NSG2: variants seen among roughly 807,000 people sequenced by gnomAD.
NSG2 encodes neuronal vesicle trafficking-associated protein 2.
In NSG2, 4 loss-of-function variants were observed where a neutral mutation model predicts 16.9. That is an observed-to-expected ratio of 0.24 (90% CI 0.12 to 0.54). NSG2 has a LOEUF of 0.54. NSG2 is among the 20% of genes least tolerant of loss of function. The probability of loss-of-function intolerance (pLI) is 0.95; values close to 1 mark genes in which losing one functional copy is unlikely to be tolerated. For synonymous variants in NSG2, 98 were observed against 88.7 expected (o/e 1.11, Z -0.59); for missense variants, 179 against 221.1 (o/e 0.81, Z 1.21).
chr5:174,079,643 T>G (rs936077425), intron 3 of NSG2, among the ~76,000 whole-genome samples: 2 of 152,222 alleles, frequency 1.3e-5, no homozygotes, highest in East Asian at 1.9e-4. Context: ...GGAAAAATTC[T>G]TATCTGGCTG....
chr5:174,083,180 C>T (rs1412778964), intron 3 of NSG2, among the ~76,000 whole-genome samples: 2 of 152,234 alleles, frequency 1.3e-5, no homozygotes, highest in Non-Finnish European at 2.9e-5. Context: ...ACCTTGCCTT[C>T]TATGAGTCTT....
At chr5:174,062,350 G>A (rs868210574) in intron 2 of NSG2, among the ~76,000 whole-genome samples, 2 of 152,224 alleles carry the variant, frequency 1.3e-5, no homozygotes, top group South Asian at 4.2e-4. Flanking sequence ...GTGAGGTAAG[G>A]CATGCCAAAT....
intron 2 of NSG2, among the ~76,000 whole-genome samples, chr5:174,054,523 C>T (rs889319153): frequency 6.6e-6 from 1 of 152,138 alleles, no homozygotes; most frequent in Non-Finnish European, 1.5e-5. Flanking sequence ...ACTGGGACTA[C>T]AGGCACATGC....
At chr5:174,102,941 CTTTTT>C (rs143473714) in intron 3 of NSG2, among the ~76,000 whole-genome samples, 1 of 111,732 alleles carries the variant, frequency 8.9e-6, no homozygotes. Context: ...ACCACCCTGG[CTTTTT>C]TTTTTTTTTT....
chr5:174,097,324 T>C (rs961178970), intron 3 of NSG2, among the ~76,000 whole-genome samples: 1 of 151,854 alleles, frequency 6.6e-6, no homozygotes, highest in African/African-American at 2.4e-5. Flanking sequence ...GTTGGGCACA[T>C]GTGTGGGGTG....
chr5:174,101,755 T>G (rs189004225), intron 3 of NSG2, among the ~76,000 whole-genome samples: 107 of 152,338 alleles, frequency 7.0e-4, no homozygotes, highest in African/African-American at 2.4e-3. Context: ...CATTTAAAAT[T>G]TTTTTATATC....
intron 3 of NSG2, among the ~76,000 whole-genome samples, chr5:174,093,740 A>T (rs1009857466): frequency 6.6e-6 from 1 of 152,106 alleles, no homozygotes; most frequent in African/African-American, 2.4e-5. Context: ...TTCCCCACAA[A>T]GTTTAATTTC....
intron 2 of NSG2, among the ~76,000 whole-genome samples, chr5:174,051,462 G>A (rs1759888548): frequency 1.3e-5 from 2 of 152,112 alleles, no homozygotes; most frequent in African/African-American, 2.4e-5. Flanking sequence ...CACCTCTCCT[G>A]AATGCCTTCC....
At chr5:174,087,590 G>A (rs1460839583) in intron 3 of NSG2, among the ~76,000 whole-genome samples, 1 of 151,716 alleles carries the variant, frequency 6.6e-6, no homozygotes, top group Non-Finnish European at 1.5e-5. Flanking sequence ...GACCAGCCTG[G>A]GAAACACAGT....
At chr5:174,053,904 A>G (rs142163230) in intron 2 of NSG2, among the ~76,000 whole-genome samples, 21 of 152,338 alleles carry the variant, frequency 1.4e-4, no homozygotes, top group African/African-American at 3.8e-4. Context: ...TGTCTGTACA[A>G]TGTAAACTGT....
chr5:174,102,946 T>C (rs2113478632), intron 3 of NSG2, among the ~76,000 whole-genome samples: 1 of 146,484 alleles, frequency 6.8e-6, no homozygotes, highest in South Asian at 2.2e-4. Flanking sequence ...CCTGGCTTTT[T>C]TTTTTTTTTT....
chr5:174,077,505 A>G (rs1760366379), intron 3 of NSG2, among the ~76,000 whole-genome samples: 1 of 152,050 alleles, frequency 6.6e-6, no homozygotes, highest in Admixed American at 6.6e-5. Flanking sequence ...GACACACTGG[A>G]CCCGATTTCA....
chr5:174,055,586 C>T (rs763794258), intron 2 of NSG2, among the ~76,000 whole-genome samples: 10 of 151,912 alleles, frequency 6.6e-5, no homozygotes, highest in East Asian at 3.9e-4. Context: ...GGCGACAGAG[C>T]GAGACTCTGT....
chr5:174,104,647 G>A (rs894352338), intron 4 of NSG2, among the ~76,000 whole-genome samples: 1 of 152,112 alleles, frequency 6.6e-6, no homozygotes, highest in Non-Finnish European at 1.5e-5. Flanking sequence ...GGGAAAGCTC[G>A]GCTTGGTGCG....
rs565339929 is a variant in NSG2 at position 174,078,013 on chromosome 5, G to C, written c.213+13698G>C. On this transcript the variant is annotated intron_variant, in intron 3 of 4. Coordinates refer to ENST00000303177, the MANE Select transcript of NSG2 (RefSeq NM_015980.5). ...TACATCTGTGCTGTCCAAATTGGAA[G>C]CCCCTAGCCACCTGTGGCTATATAC... Among the ~76,000 whole-genome samples, 11 of 152,268 alleles carry C rather than the reference G, an allele frequency of 7.2e-5. No homozygotes were observed. The South Asian group carries it at 2.3e-3, about 32-fold the overall frequency.
chr5:174,103,011 A>T (rs1329127558), intron 3 of NSG2, among the ~76,000 whole-genome samples: 1 of 146,546 alleles, frequency 6.8e-6, no homozygotes, highest in Non-Finnish European at 1.5e-5. Context: ...CTGGTCACGA[A>T]CTCCTGACCT....
intron 2 of NSG2, among the ~76,000 whole-genome samples, chr5:174,056,848 AAGT>A (rs1759974284): frequency 6.6e-6 from 1 of 152,260 alleles, no homozygotes; most frequent in African/African-American, 2.4e-5. Context: ...TAATCCTGGG[AAGT>A]AGTATTTTAA....
intron 3 of NSG2, 157 bp downstream of exon 3, chr5:174,064,472 T>G: frequency 2.1e-6 from 1 of 479,854 alleles, no homozygotes; most frequent in Non-Finnish European, 3.8e-6. Context: ...GGCCACTGAG[T>G]TTAATCAAAT....
intron 3 of NSG2, among the ~76,000 whole-genome samples, chr5:174,096,958 C>G (rs1032343018): frequency 6.6e-6 from 1 of 152,274 alleles, no homozygotes; most frequent in Middle Eastern, 3.4e-3. Context: ...AACTGGGGAA[C>G]CTTGGGGAAG....
Sources: allele counts gnomAD v4.1 joint callset (sites outside exome capture counted in the v4.1 genomes callset), GRCh38; gene constraint gnomAD v4.1.1; transcripts MANE v1.5; gene names NCBI Gene and HGNC (gene_info 2026-07-23, HGNC 2026-07-21).